The following FGF13 variants were observed in gnomAD, a reference collection of about 807,000 sequenced individuals.
The protein encoded by FGF13 is fibroblast growth factor 13.
Under a neutral mutation model 19.5 loss-of-function variants are expected in FGF13, and 2 were observed. That is an observed-to-expected ratio of 0.10 (90% CI 0.04 to 0.32). The LOEUF is 0.32. Ranked by LOEUF, FGF13 falls within the 10% of genes least tolerant of loss-of-function variation. FGF13 has a pLI of 1.00. For missense variants in FGF13, 113 were observed against 192.7 expected (o/e 0.59, Z 2.45); for synonymous variants, 72 against 76.9 (o/e 0.94, Z 0.33).
At chrX:138,698,854 T>C (rs1348732896) in intron 3 of FGF13, among the ~76,000 whole-genome samples, 2 of 111,896 alleles carry the variant, frequency 1.8e-5, no homozygotes, top group Non-Finnish European at 3.8e-5. Flanking sequence ...AAGGGCTCTG[T>C]TGCAACTATT....
At chrX:139,122,858 C>G (rs963903311) in intron 1 of FGF13, among the ~76,000 whole-genome samples, 5 of 111,334 alleles carry the variant, frequency 4.5e-5, no homozygotes, top group Non-Finnish European at 9.4e-5. Flanking sequence ...ATGTGTGTAT[C>G]TCTAGGGTAG....
intron 1 of FGF13, among the ~76,000 whole-genome samples, chrX:138,964,862 T>G (rs1045934361): frequency 1.6e-4 from 18 of 110,927 alleles, no homozygotes; most frequent in African/African-American, 5.9e-4. Flanking sequence ...TCATGAGAGA[T>G]CCACTCCCAT....
At chrX:139,053,663 C>T (rs984777986) in intron 1 of FGF13, among the ~76,000 whole-genome samples, 4 of 111,124 alleles carry the variant, frequency 3.6e-5, no homozygotes, top group Non-Finnish European at 5.7e-5. Context: ...GTCCTTTGTC[C>T]GATGTACAGA....
intron 1 of FGF13, among the ~76,000 whole-genome samples, chrX:139,072,276 T>TCTACACACACACACACAC (rs762528325): frequency 5.4e-4 from 54 of 99,086 alleles, no homozygotes; most frequent in African/African-American, 2.0e-3. Flanking sequence ...TCTCTCTCTC[T>TCTACACACACACACACAC]ACACACACAC....
chrX:139,162,163 A>G, intron 1 of FGF13, among the ~76,000 whole-genome samples: 1 of 112,593 alleles, frequency 8.9e-6, no homozygotes, highest in East Asian at 2.8e-4. Context: ...ACAAGGCTAC[A>G]GTAAGCAAAA....
At chrX:138,820,217 G>T in intron 3 of FGF13, among the ~76,000 whole-genome samples, 1 of 112,134 alleles carries the variant, frequency 8.9e-6, no homozygotes, top group East Asian at 2.8e-4. Context: ...GAAATAGCAA[G>T]AACCATTCCT....
At chrX:139,143,639 C>T (rs73633979) in intron 1 of FGF13, among the ~76,000 whole-genome samples, 6,745 of 111,219 alleles carry the variant, frequency 0.061, 519 homozygotes, top group African/African-American at 0.2. Flanking sequence ...CCATTCATCC[C>T]ATTTTGGACC....
chrX:138,713,211 C>T (rs1011933300), upstream of FGF13, among the ~76,000 whole-genome samples: 63 of 112,416 alleles, frequency 5.6e-4, no homozygotes, highest in African/African-American at 2.0e-3. Context: ...AGTTTTAACA[C>T]CTCAAGTCTA....
intron 1 of FGF13, among the ~76,000 whole-genome samples, chrX:139,016,254 ATC>A (rs2092152228): frequency 2.7e-5 from 3 of 112,107 alleles, no homozygotes; most frequent in Admixed American, 1.9e-4. Context: ...TCAAAATAAT[ATC>A]TGTTTGCGCT....
intron 1 of FGF13, among the ~76,000 whole-genome samples, chrX:139,171,921 G>A (rs2084136934): frequency 8.9e-6 from 1 of 111,797 alleles, no homozygotes. Context: ...AAGAGTAAAG[G>A]ATGTCCATTC....
rs1438550160 is a variant in FGF13, at chrX:138,626,331, G to A, written c.*6519C>T. On this transcript the variant is annotated 3_prime_UTR_variant, in exon 5 of 5. Coordinates refer to ENST00000315930, the MANE Select transcript of FGF13 (RefSeq NM_004114.5). Reference sequence around the variant, plus strand: ...CTATTTCATGTGCCTTTCATGTGAAGCTCTATGCCTTCACTTATACTATTC... The same window carrying A: ...CTATTTCATGTGCCTTTCATGTGAAACTCTATGCCTTCACTTATACTATTC... 2 of 112,133 alleles carry A rather than the reference G, an allele frequency of 1.8e-5. No individual in the cohort carries two copies. Among genetic ancestry groups the A allele is most frequent in the African/African-American group, 6.5e-5 (2 of 30,883 alleles). 9.2% of individuals were successfully genotyped at this position (112,133 alleles called of 1,213,427 possible).
rs1031863934 is a variant in FGF13 at position 138,619,115 on chromosome X, C to A, written c.*13735G>T. Reference sequence around the variant, plus strand: ...AAATGGAGATCTACAAATTTCCTGACAAAATATTAAAAATAATTGTTTTAA... The same window carrying A: ...AAATGGAGATCTACAAATTTCCTGAAAAAATATTAAAAATAATTGTTTTAA... On this transcript the variant is annotated 3_prime_UTR_variant, in exon 5 of 5. Transcript: ENST00000315930. The A allele has an allele frequency of 1.8e-5, 2 of 109,989 alleles. No homozygotes were observed. The highest frequency in any genetic ancestry group is 3.8e-5 in the Non-Finnish European group (2 of 52,771). The allele number at this position is 109,989 out of a possible 1,213,427, so 9.1% of individuals were successfully genotyped here. A position where few individuals can be genotyped will look rare whatever the true frequency, so the allele number is the denominator to read the frequency against.
chrX:139,196,269 AAAAG>A (rs1447515293), intron 1 of FGF13, among the ~76,000 whole-genome samples: 3 of 112,263 alleles, frequency 2.7e-5, no homozygotes, highest in Admixed American at 1.9e-4. Context: ...ATGCAGTTGC[AAAAG>A]AAAGTACCAT....
At chrX:139,125,031 T>G (rs940380484) in intron 1 of FGF13, among the ~76,000 whole-genome samples, 1 of 111,905 alleles carries the variant, frequency 8.9e-6, no homozygotes, top group Non-Finnish European at 1.9e-5. Flanking sequence ...ACATAATATA[T>G]GTTTTTTGCT....
chrX:138,875,211 G>A (rs1165604420), intron 1 of FGF13, among the ~76,000 whole-genome samples: 2 of 98,222 alleles, frequency 2.0e-5, no homozygotes, highest in African/African-American at 7.8e-5. Flanking sequence ...CAGCCTCGGT[G>A]ACAGAGCGAG....
chrX:138,879,792 C>A (rs972902637), intron 1 of FGF13, among the ~76,000 whole-genome samples: 4 of 111,033 alleles, frequency 3.6e-5, no homozygotes, highest in African/African-American at 1.3e-4. Flanking sequence ...ATGACTAAAA[C>A]ACCAAAAGCA....
chrX:138,944,778 A>G (rs1340962321), intron 1 of FGF13, among the ~76,000 whole-genome samples: 2 of 111,509 alleles, frequency 1.8e-5, no homozygotes, highest in African/African-American at 6.5e-5. Context: ...CAGGTTCTGT[A>G]TTGCCATTTC....
intron 3 of FGF13, among the ~76,000 whole-genome samples, chrX:138,656,959 C>A (rs1427040495): frequency 8.9e-6 from 1 of 112,163 alleles, no homozygotes; most frequent in Non-Finnish European, 1.9e-5. Context: ...TAAGGCCTAA[C>A]TTTTCAATCA....
At chrX:139,096,486 A>C (rs1385704656) in intron 1 of FGF13, among the ~76,000 whole-genome samples, 1 of 112,200 alleles carries the variant, frequency 8.9e-6, no homozygotes, top group African/African-American at 3.2e-5. Context: ...ACTCAAAATC[A>C]CAAGTAGAAA....
Sources: gnomAD v4.1 joint callset for allele counts (sites outside exome capture counted in the v4.1 genomes callset) on GRCh38, gnomAD v4.1.1 for gene constraint, MANE v1.5 for transcripts, NCBI Gene and HGNC (gene_info 2026-07-23, HGNC 2026-07-21) for gene names.